The following IQCH variants were observed in gnomAD, a reference collection of about 807,000 sequenced individuals.
IQCH encodes the protein IQ motif containing H.
A neutral mutation model predicts 117.0 loss-of-function variants in IQCH; 98 were observed. The observed-to-expected ratio is 0.84, with a 90% CI of 0.71 to 0.99. The LOEUF (loss-of-function observed/expected upper bound fraction) is 0.99. Ranked by LOEUF, IQCH falls within the 50% of genes least tolerant of loss-of-function variation. The probability of loss-of-function intolerance (pLI) is 0.00; values close to 1 mark genes in which losing one functional copy is unlikely to be tolerated. For missense variants in IQCH, 1,102 were observed against 1,243.8 expected (o/e 0.89, Z 1.72); for synonymous variants, 412 against 448.2 (o/e 0.92, Z 1.02).
intron 3 of IQCH, among the ~76,000 whole-genome samples, chr15:67,266,514 A>G (rs949303589): frequency 3.3e-5 from 5 of 152,080 alleles, no homozygotes; most frequent in African/African-American, 4.8e-5. Context: ...AAAATTAGCC[A>G]GGCGTGGTGG....
chr15:67,351,902 T>TA (rs903027953), intron 6 of IQCH, among the ~76,000 whole-genome samples: 15 of 151,546 alleles, frequency 9.9e-5, no homozygotes, highest in South Asian at 2.1e-4. Context: ...TAGCTGAATT[T>TA]AAAAAAAAAT....
chr15:67,421,585 G>T lies in IQCH; in HGVS notation c.2505+8G>T, dbSNP rs1255848712. ...AGCACCTTGGAACAACAGGTAAGTT[G>T]AATGGATGCCATACGAAATGCTAAA... On this transcript the variant is annotated splice_region_variant and intron_variant, in intron 16 of 20. Transcript: ENST00000335894. 1.9e-6 allele frequency: 3 copies of T among 1,613,526 alleles called. No homozygotes were observed. In the African/African-American group the frequency reaches 4.0e-5, roughly 22 times the overall value.
intron 3 of IQCH, among the ~76,000 whole-genome samples, chr15:67,272,567 T>C (rs1256907976): frequency 6.6e-6 from 1 of 152,226 alleles, no homozygotes; most frequent in South Asian, 2.1e-4. Flanking sequence ...TCTCTCTCTT[T>C]TGGCTCTGTT....
Position 67,385,105 on chromosome 15 carries a change from T to G in IQCH, c.1456+86T>G, listed in dbSNP as rs1971069158. On this transcript the variant is annotated intron_variant, in intron 11 of 20. Transcript: ENST00000335894. The surrounding 1 kb of genome is among the most constrained non-coding windows in gnomAD (Gnocchi z 4.6). The stretch of plus-strand genomic sequence containing the variant: ...AATGTGTTGTTTTGTTTGTTTGTTT[T>G]TTGCTTATTTTTTTCCTCTACAAGG... 3 of 844,872 alleles carry G rather than the reference T, an allele frequency of 3.6e-6. No individual in the cohort carries two copies. The highest frequency in any genetic ancestry group is 3.4e-5 in the South Asian group (2 of 59,458). The allele number at this position is 844,872 out of a possible 1,614,324, so 52.3% of individuals were successfully genotyped here.
intron 4 of IQCH, among the ~76,000 whole-genome samples, chr15:67,317,487 G>A (rs1967904179): frequency 6.6e-6 from 1 of 152,166 alleles, no homozygotes. Flanking sequence ...TTACAAGTGT[G>A]ACCATCACAC....
At chr15:67,315,726 T>C (rs1455864261) in intron 4 of IQCH, among the ~76,000 whole-genome samples, 2 of 152,166 alleles carry the variant, frequency 1.3e-5, no homozygotes, top group Non-Finnish European at 1.5e-5. Flanking sequence ...CTTATGTCTT[T>C]GATAACACCA....
In IQCH at chr15:67,427,399, A is replaced by G. The variant is rs938941913; in HGVS notation, c.2505+5822A>G. 5.9e-5 allele frequency among the ~76,000 whole-genome samples: 9 copies of G among 151,554 alleles called. No individual in the cohort carries two copies. The highest frequency in any genetic ancestry group is 2.2e-4 in the African/African-American group (9 of 41,230). On this transcript the variant is annotated intron_variant, in intron 16 of 20. Coordinates refer to ENST00000335894, the MANE Select transcript of IQCH (RefSeq NM_001031715.3). The surrounding 1 kb of genome is among the most constrained non-coding windows in gnomAD (Gnocchi z 4.7). ...TTCTTTTTTCTTTTCTTTTTTTTGTAGAGATAGGGTCTCACTATGTTGCCC... is the reference window on the plus strand; with the variant it reads ...TTCTTTTTTCTTTTCTTTTTTTTGTGGAGATAGGGTCTCACTATGTTGCCC...
At chr15:67,452,357 T>C (rs1326013633) in intron 16 of IQCH, among the ~76,000 whole-genome samples, 1 of 152,214 alleles carries the variant, frequency 6.6e-6, no homozygotes. Context: ...TTGCAGTGGC[T>C]GGTACTGGTT....
chr15:67,443,185 G>T lies in IQCH; in HGVS notation c.2505+21608G>T, dbSNP rs2082320101. 6.6e-6 allele frequency among the ~76,000 whole-genome samples: 1 copy of T among 152,066 alleles called. No individual in the cohort carries two copies. The highest frequency in any genetic ancestry group is 2.4e-5 in the African/African-American group (1 of 41,390). On this transcript the variant is annotated intron_variant, in intron 16 of 20. Coordinates refer to ENST00000335894, the MANE Select transcript of IQCH (RefSeq NM_001031715.3). This position sits in a 1 kb window ranked among gnomAD's most constrained non-coding sequence, Gnocchi z 5.0. The stretch of plus-strand genomic sequence containing the variant: ...TTTTTTGTATTTTTAGTAGAGACGG[G>T]GTTTCACCGTGTTAACCAGGATGGT...
rs1179322563 is a variant in IQCH at position 67,293,273 on chromosome 15, C to G, written c.387+13761C>G. 5.9e-5 allele frequency among the ~76,000 whole-genome samples: 9 copies of G among 152,258 alleles called. No homozygotes were observed. In the East Asian group the frequency reaches 1.7e-3, roughly 29 times the overall value. On this transcript the variant is annotated intron_variant, in intron 4 of 20. Transcript: ENST00000335894. ...TCTCTGCTCTCATGGAGCTTACATT[C>G]TAATTGAGGCTGAGTAGTCATTAGG...
rs1449887947 is a variant in IQCH, at chr15:67,445,275, C to T, written c.2506-19852C>T. Among the ~76,000 whole-genome samples, 1 of 152,100 alleles carries T rather than the reference C, an allele frequency of 6.6e-6. No homozygotes were observed. Among genetic ancestry groups the T allele is most frequent in the Admixed American group, 6.5e-5 (1 of 15,272 alleles). On this transcript the variant is annotated intron_variant, in intron 16 of 20. Coordinates refer to ENST00000335894, the MANE Select transcript of IQCH (RefSeq NM_001031715.3). This position sits in a 1 kb window ranked among gnomAD's most constrained non-coding sequence, Gnocchi z 4.3. ...GAACTGTTTTAGCAATATGTATATT[C>T]CTTTAAACATATATTTTGCTTTCTT...
intron 4 of IQCH, chr15:67,282,002 G>A (rs1966380143): frequency 6.3e-6 from 2 of 316,480 alleles, no homozygotes; most frequent in South Asian, 2.6e-5. Context: ...GTGTGCCCAG[G>A]ATTATTAGAG....
chr15:67,416,567 C>T lies in IQCH; in HGVS notation c.2098-364C>T, dbSNP rs552845763. Among the ~76,000 whole-genome samples, 2 of 151,814 alleles carry T rather than the reference C, an allele frequency of 1.3e-5. No homozygotes were observed. The highest frequency in any genetic ancestry group is 3.9e-4 in the East Asian group (2 of 5,170). Reference sequence around the variant, plus strand: ...ACAAAAACAAAAAAAACAGTTAACCCCACATTTTATATAAAGGGAAACTGA... The same window carrying T: ...ACAAAAACAAAAAAAACAGTTAACCTCACATTTTATATAAAGGGAAACTGA... On this transcript the variant is annotated intron_variant, in intron 14 of 20. Transcript: ENST00000335894. The surrounding 1 kb of genome is among the most constrained non-coding windows in gnomAD (Gnocchi z 5.1).
At chr15:67,355,615 C>T (rs1969862093) in intron 6 of IQCH, among the ~76,000 whole-genome samples, 1 of 151,788 alleles carries the variant, frequency 6.6e-6, no homozygotes, top group Non-Finnish European at 1.5e-5. Flanking sequence ...TTAGTAATAA[C>T]TACCACAAAA....
chr15:67,331,076 A>T (rs939993114), intron 4 of IQCH, among the ~76,000 whole-genome samples: 1 of 152,228 alleles, frequency 6.6e-6, no homozygotes, highest in East Asian at 1.9e-4. Flanking sequence ...ATGTCTGGAC[A>T]GAGCTACCCA....
At position 67,417,436 on chromosome 15, in the gene IQCH, A is replaced by G. The variant is rs781016891; in HGVS notation, c.2218+385A>G. The stretch of plus-strand genomic sequence containing the variant: ...CTTACAGGGTCATTGGGTGGATTCA[A>G]TGAAATACAGATATGAAAGTTTCTA... On this transcript the variant is annotated intron_variant, in intron 15 of 20. Transcript: ENST00000335894. The surrounding 1 kb of genome is among the most constrained non-coding windows in gnomAD (Gnocchi z 4.3). 6.6e-6 allele frequency among the ~76,000 whole-genome samples: 1 copy of G among 152,214 alleles called. No homozygotes were observed. The highest frequency in any genetic ancestry group is 1.5e-5 in the Non-Finnish European group (1 of 68,048).
In IQCH at chr15:67,390,736, G is replaced by T. The variant is rs909109868; in HGVS notation, c.1632+1730G>T. 3.3e-5 allele frequency among the ~76,000 whole-genome samples: 5 copies of T among 152,164 alleles called. No individual in the cohort carries two copies. Among genetic ancestry groups the T allele is most frequent in the Non-Finnish European group, 7.4e-5 (5 of 68,014 alleles). On this transcript the variant is annotated intron_variant, in intron 12 of 20. Transcript: ENST00000335894. The surrounding 1 kb of genome is among the most constrained non-coding windows in gnomAD (Gnocchi z 5.0). Reference sequence around the variant, plus strand: ...ACTCCTGACCTCAAGTGATCCGCCTGCCTTGGCCTCCCAAAGTGCTGGGGT... The same window carrying T: ...ACTCCTGACCTCAAGTGATCCGCCTTCCTTGGCCTCCCAAAGTGCTGGGGT...
intron 4 of IQCH, among the ~76,000 whole-genome samples, chr15:67,311,613 ATATT>A (rs571553480): frequency 8.0e-4 from 120 of 149,302 alleles, no homozygotes; most frequent in African/African-American, 2.8e-3. Context: ...AGCACATACT[ATATT>A]TAAGTAACAA....
intron 4 of IQCH, among the ~76,000 whole-genome samples, chr15:67,288,863 C>CT (rs762096870): frequency 1.6e-4 from 24 of 152,214 alleles, no homozygotes; most frequent in Non-Finnish European, 3.4e-4. Context: ...GCACTGTGGG[C>CT]TACAGAATCA....
Sources: gnomAD v4.1 joint callset for allele counts (sites outside exome capture counted in the v4.1 genomes callset) on GRCh38, gnomAD v4.1.1 for gene constraint, Gnocchi (gnomAD v3.1) non-coding constraint, MANE v1.5 for transcripts, NCBI Gene and HGNC (gene_info 2026-07-23, HGNC 2026-07-21) for gene names.